Variants in TMEM59L observed in about 807,000 individuals in gnomAD.
TMEM59L encodes transmembrane protein 59 like.
Under a neutral mutation model 39.6 loss-of-function variants are expected in TMEM59L, and 31 were observed. The ratio of observed to expected loss-of-function variants is 0.78; its 90% CI spans 0.59 to 1.06. The LOEUF (loss-of-function observed/expected upper bound fraction) is 1.06. Ranked by LOEUF, TMEM59L falls within the 50% of genes least tolerant of loss-of-function variation. The probability of loss-of-function intolerance (pLI) is 0.00; values close to 1 mark genes in which losing one functional copy is unlikely to be tolerated. For missense variants in TMEM59L, 441 were observed against 451.3 expected, an observed-to-expected ratio of 0.98 and a Z score of 0.21; for synonymous variants, 219 against 202.9, an observed-to-expected ratio of 1.08 and a Z score of -0.68.
intron 2 of TMEM59L, 26 bp from the exon 3 acceptor site, chr19:18,614,078 C>T: frequency 6.2e-7 from 1 of 1,612,546 alleles, no homozygotes; most frequent in Non-Finnish European, 8.5e-7. Flanking sequence ...GGGCCGTCCC[C>T]AGTCACCCGC....
In TMEM59L at chr19:18,616,146, G is replaced by C; in HGVS notation, c.561+19G>C. On this transcript the variant is annotated intron_variant, in intron 4 of 7. Coordinates refer to ENST00000262817, the MANE Select transcript of TMEM59L (RefSeq NM_012109.3). ...GTTTCAGGTGAGACCTCTGACAGGG[G>C]CCACGCCAGAGTGGCAGATGGGTGG... is the stretch of plus-strand genomic sequence containing the variant. 1 of 1,613,008 alleles carries C rather than the reference G, an allele frequency of 6.2e-7. No individual in the cohort carries two copies. The highest frequency in any genetic ancestry group is 2.2e-5 in the East Asian group (1 of 44,858).
At position 18,620,790 on chromosome 19, in the gene TMEM59L, T is replaced by C. The variant is rs920860812; in HGVS notation, c.*254T>C. 2 of 378,788 alleles carry C rather than the reference T, an allele frequency of 5.3e-6. No homozygotes were observed. The highest frequency in any genetic ancestry group is 5.4e-5 in the South Asian group (1 of 18,530). The allele number at this position is 378,788 out of a possible 1,614,324, so 23.5% of individuals were successfully genotyped here. On this transcript the variant is annotated 3_prime_UTR_variant, in exon 8 of 8. Coordinates refer to ENST00000262817, the MANE Select transcript of TMEM59L (RefSeq NM_012109.3). The stretch of plus-strand genomic sequence containing the variant: ...GGGGCTTGCTACTTTTTGTCTTCTA[T>C]TGTGTGGCTTTCTGAGTATTTGAAC...
Position 18,614,108 on chromosome 19 carries a change from C to T in TMEM59L, c.321C>T (p.Cys107=), listed in dbSNP as rs1421732559. The T allele has an allele frequency of 1.9e-6, 3 of 1,611,944 alleles. No homozygotes were observed. The highest frequency in any genetic ancestry group is 1.3e-5 in the African/African-American group (1 of 75,056). Residue 107 remains cysteine (C), a synonymous_variant, in exon 3 of 8, where the codon TGC becomes TGT. Coordinates refer to ENST00000262817, the MANE Select transcript of TMEM59L (RefSeq NM_012109.3). ...NATQTECEAA[C]VEAYVKEAEQ... ...ACCCGCTCCCACCTCCCACAGCCTGCGTGGAAGCCTATGTGAAGGAGGCAG... is the reference window on the plus strand; with the variant it reads ...ACCCGCTCCCACCTCCCACAGCCTGTGTGGAAGCCTATGTGAAGGAGGCAG...
At position 18,618,380 on chromosome 19, in the gene TMEM59L, C is replaced by A; in HGVS notation, c.788C>A (p.Ser263Ter). Residue 263 changes from serine (S) to a stop codon, truncating the protein, a stop_gained, in exon 7 of 8, where the codon TCG becomes TAG. Transcript: ENST00000262817. LOFTEE classifies it high-confidence loss of function. ...GTGCCTGCCGGGCGGGGCAGGCGCT[C>A]GGGTCTGCCTCGCTGGATCCTGGCC... ...NDFLSCMSRR[S>*]GLPRWILACC... 1 of 1,604,774 alleles carries A rather than the reference C, an allele frequency of 6.2e-7. No individual in the cohort carries two copies. Among genetic ancestry groups the A allele is most frequent in the South Asian group, 1.1e-5 (1 of 90,298 alleles).
chr19:18,613,248 G>T (rs1976389941), intron 1 of TMEM59L, 119 bp downstream of exon 1: 3 of 1,060,604 alleles, frequency 2.8e-6, no homozygotes, highest in African/African-American at 1.6e-5. Flanking sequence ...TGTCCGTGGG[G>T]AGGTGGGGGT....
Position 18,613,867 on chromosome 19 carries a change from C to T in TMEM59L, c.172-5C>T, listed in dbSNP as rs369319431. 3.0e-5 allele frequency: 49 copies of T among 1,609,794 alleles called. No individual in the cohort carries two copies. The highest frequency in any genetic ancestry group is 3.6e-5 in the Non-Finnish European group (43 of 1,178,828). ...GCCTGAGCCCCCTGTCCTCCCCTCC[C>T]CCAGGCGGGGCTGGAGGGCGCCTCC... On this transcript the variant is annotated splice_region_variant and splice_polypyrimidine_tract_variant and intron_variant, in intron 1 of 7. Transcript: ENST00000262817.
intron 7 of TMEM59L, 130 bp downstream of exon 7, chr19:18,618,622 T>C (rs1976458199): frequency 1.6e-6 from 1 of 634,488 alleles, no homozygotes; most frequent in Admixed American, 2.8e-5. Context: ...TCTTTTTTCA[T>C]GTATATACAT....
At chr19:18,618,667 GTGTGTGTATA>G (rs1476529771) in intron 7 of TMEM59L, among the ~76,000 whole-genome samples, 175 bp downstream of exon 7, 45 of 105,780 alleles carry the variant, frequency 4.3e-4, no homozygotes, top group African/African-American at 1.2e-3. Context: ...GTGTGTGTGT[GTGTGTGTATA>G]TATATATATA....
Position 18,620,464 on chromosome 19 carries a change from C to G in TMEM59L, c.957C>G (p.Tyr319Ter), listed in dbSNP as rs1009834636. 3.7e-6 allele frequency: 6 copies of G among 1,613,558 alleles called. No individual in the cohort carries two copies. The highest frequency in any genetic ancestry group is 4.2e-6 in the Non-Finnish European group (5 of 1,179,982). Reference protein sequence around the residue: ...GFMMEPDWPLYPPPSHACEDS... With the variant: ...GFMMEPDWPL Reference sequence around the variant, plus strand: ...TGATGGAGCCCGATTGGCCCCTGTACCCGCCGCCGTCCCACGCCTGTGAGG... The same window carrying G: ...TGATGGAGCCCGATTGGCCCCTGTAGCCGCCGCCGTCCCACGCCTGTGAGG... The change falls in exon 8 of 8, where the codon TAC (tyrosine) becomes TAG (stop). Residue 319 changes from tyrosine to a stop codon, truncating the protein, a stop_gained. Coordinates refer to ENST00000262817, the MANE Select transcript of TMEM59L (RefSeq NM_012109.3). LOFTEE classifies it high-confidence loss of function.
chr19:18,614,086 C>G lies in TMEM59L; in HGVS notation c.317-18C>G, dbSNP rs367906623. 3.7e-6 allele frequency: 6 copies of G among 1,612,208 alleles called. No homozygotes were observed. The highest frequency in any genetic ancestry group is 5.1e-6 in the Non-Finnish European group (6 of 1,179,732). ...CTGGGAAGGGCCGTCCCCAGTCACC[C>G]GCTCCCACCTCCCACAGCCTGCGTG... On this transcript the variant is annotated intron_variant, in intron 2 of 7. Coordinates refer to ENST00000262817, the MANE Select transcript of TMEM59L (RefSeq NM_012109.3).
chr19:18,616,668 C>G (rs889677184), intron 4 of TMEM59L, among the ~76,000 whole-genome samples: 10 of 152,226 alleles, frequency 6.6e-5, no homozygotes, highest in African/African-American at 2.4e-4. Flanking sequence ...GCTGGGATTA[C>G]AGGCATGAGC....
chr19:18,618,826 C>T (rs983437321), intron 7 of TMEM59L, among the ~76,000 whole-genome samples: 2 of 151,496 alleles, frequency 1.3e-5, no homozygotes, highest in Non-Finnish European at 2.9e-5. Flanking sequence ...TCCGAAGTAG[C>T]TGGGACTATG....
intron 5 of TMEM59L, 96 bp downstream of exon 5, chr19:18,617,198 A>C: frequency 2.2e-6 from 2 of 906,026 alleles, no homozygotes; most frequent in Non-Finnish European, 3.6e-6. Context: ...CGGGATCTCC[A>C]TCTCTCAAGT....
intron 3 of TMEM59L, among the ~76,000 whole-genome samples, chr19:18,615,293 C>T (rs536326946): frequency 1.3e-5 from 2 of 152,304 alleles, no homozygotes; most frequent in East Asian, 1.9e-4. Flanking sequence ...ATCAGACCTC[C>T]GTCTTGACGC....
At chr19:18,616,387 T>TTGTTGTTGTTGTTG (rs1555763013) in intron 4 of TMEM59L, among the ~76,000 whole-genome samples, 12 of 151,436 alleles carry the variant, frequency 7.9e-5, no homozygotes, top group Admixed American at 3.3e-4. Context: ...GTGGTTTTTT[T>TTGTTGTTGTTGTTG]TTGTTGTTGT....
chr19:18,620,486 G>C lies in TMEM59L; in HGVS notation c.979G>C (p.Glu327Gln). The change falls in exon 8 of 8, where the codon GAG becomes CAG. Residue 327 changes from glutamate to glutamine, a missense_variant. Transcript: ENST00000262817. The part of the protein sequence containing the change: ...PLYPPPSHAC[E>Q]DSLPPYKLKL... ...GTACCCGCCGCCGTCCCACGCCTGT[G>C]AGGACAGCCTACCACCCTACAAGCT... The C allele has an allele frequency of 6.2e-7, 1 of 1,613,844 alleles. No homozygotes were observed. The highest frequency in any genetic ancestry group is 1.1e-5 in the South Asian group (1 of 91,080).
In TMEM59L at chr19:18,613,981, C is replaced by T. The variant is rs1301207476; in HGVS notation, c.281C>T (p.Ser94Phe). The T allele has an allele frequency of 6.2e-7, 1 of 1,613,320 alleles. No individual in the cohort carries two copies. Among genetic ancestry groups the T allele is most frequent in the African/African-American group, 1.3e-5 (1 of 74,932 alleles). The change falls in exon 2 of 8, where the codon TCC becomes TTC. Residue 94 changes from serine to phenylalanine, a missense_variant. Transcript: ENST00000262817. ...ATCTGCCGATTTGTGGCCAGAAGCT[C>T]CAAGCCCAATGCCACCCAAACTGAG... ...FSICRFVARS[S>F]KPNATQTECE...
At position 18,618,403 on chromosome 19, in the gene TMEM59L, G is replaced by T; in HGVS notation, c.811G>T (p.Ala271Ser). ...CTCGGGTCTGCCTCGCTGGATCCTG[G>T]CCTGCTGCCTCTTCCTCTCCGTGCT... ...RRSGLPRWIL[A>S]CCLFLSVLVM... The change falls in exon 7 of 8, where the codon GCC (alanine) becomes TCC (serine). Residue 271 changes from alanine (A) to serine (S), a missense_variant. By Grantham distance (99) the Ala-to-Ser change is moderately conservative. Coordinates refer to ENST00000262817, the MANE Select transcript of TMEM59L (RefSeq NM_012109.3). The T allele has an allele frequency of 6.2e-7, 1 of 1,607,154 alleles. No homozygotes were observed.
chr19:18,613,662 C>T (rs916062853), intron 1 of TMEM59L, among the ~76,000 whole-genome samples: 2 of 152,090 alleles, frequency 1.3e-5, no homozygotes, highest in Non-Finnish European at 2.9e-5. Context: ...CCTTCACTGT[C>T]CATTTCTCTT....
Sources: gnomAD v4.1 joint callset for allele counts (sites outside exome capture counted in the v4.1 genomes callset) on GRCh38, gnomAD v4.1.1 for gene constraint, MANE v1.5 for transcripts, NCBI Gene and HGNC (gene_info 2026-07-23, HGNC 2026-07-21) for gene names.